Variants in DMD observed in about 807,000 individuals in gnomAD.
The protein encoded by DMD is mutant dystrophin.
A neutral mutation model predicts 330.1 loss-of-function variants in DMD; 63 were observed. That is an observed-to-expected ratio of 0.19 (90% confidence interval 0.16 to 0.24). DMD has a LOEUF of 0.24. DMD is among the 10% of genes least tolerant of loss of function. The probability of loss-of-function intolerance (pLI) is 1.00; values close to 1 mark genes in which losing one functional copy is unlikely to be tolerated. For synonymous variants in DMD, 1,223 were observed against 959.8 expected (o/e 1.27, Z -5.07); for missense variants, 3,344 against 2,684.1 (o/e 1.25, Z -5.43).
At chrX:33,142,619 G>A (rs1426230977) in intron 1 of DMD, among the ~76,000 whole-genome samples, 2 of 111,774 alleles carry the variant, frequency 1.8e-5, no homozygotes, top group African/African-American at 6.5e-5. Context: ...AGCCTCCCCC[G>A]AATAAATGAA....
intron 57 of DMD, among the ~76,000 whole-genome samples, chrX:31,485,684 C>T (rs1424201319): frequency 9.0e-6 from 1 of 111,708 alleles, no homozygotes; most frequent in African/African-American, 3.3e-5. Context: ...GAAAAGCTAT[C>T]TTGCTTTCTC....
At chrX:32,959,034 A>C (rs2091755073) in intron 2 of DMD, among the ~76,000 whole-genome samples, 1 of 111,930 alleles carries the variant, frequency 8.9e-6, no homozygotes, top group Admixed American at 9.5e-5. Flanking sequence ...CAATATTTAT[A>C]ATAAGTTATT....
At chrX:33,334,521 T>C (rs1035374084) in intron 1 of DMD, among the ~76,000 whole-genome samples, 1 of 111,460 alleles carries the variant, frequency 9.0e-6, no homozygotes, top group Non-Finnish European at 1.9e-5. Flanking sequence ...TGTTTTAGCA[T>C]GAAAGGAGTC....
intron 21 of DMD, among the ~76,000 whole-genome samples, chrX:32,484,091 T>G (rs762202850): frequency 9.0e-6 from 1 of 111,139 alleles, no homozygotes; most frequent in Non-Finnish European, 1.9e-5. Context: ...TTCAGAAAAA[T>G]ACTTTTATCT....
At chrX:32,741,556 T>A (rs1379402356) in intron 7 of DMD, among the ~76,000 whole-genome samples, 1 of 111,360 alleles carries the variant, frequency 9.0e-6, no homozygotes, top group Admixed American at 9.6e-5. Context: ...CAAACAGAAT[T>A]AATAGCTGCC....
At chrX:31,863,246 C>G (rs988763143) in intron 48 of DMD, among the ~76,000 whole-genome samples, 4 of 112,142 alleles carry the variant, frequency 3.6e-5, no homozygotes, top group African/African-American at 9.7e-5. Context: ...GGGAGGATGA[C>G]GCAGGAGAAT....
chrX:32,849,708 CT>C lies in DMD; in HGVS notation c.186+19del, dbSNP rs1159233381. On this transcript the variant is annotated intron_variant, in intron 3 of 78. Coordinates refer to ENST00000357033, the MANE Select transcript of DMD (RefSeq NM_004006.3). ...TTCTACTAAGTTTAAAGTTAACTTT[CT>C]TAAAAATAAGTCACATACCAGTTTT... 8.8e-7 allele frequency: 1 copy of C among 1,135,665 alleles called. No individual in the cohort carries two copies. Among genetic ancestry groups the C allele is most frequent in the Non-Finnish European group, 1.2e-6 (1 of 826,994 alleles). 93.6% of individuals were successfully genotyped at this position (1,135,665 alleles called of 1,213,427 possible). A position where few individuals can be genotyped will look rare whatever the true frequency, so the allele number is the denominator to read the frequency against.
intron 1 of DMD, among the ~76,000 whole-genome samples, chrX:33,296,355 T>C (rs1010808112): frequency 8.1e-5 from 9 of 111,261 alleles, no homozygotes; most frequent in African/African-American, 2.0e-4. Context: ...CTATAAATTA[T>C]AGCAGTTTCA....
chrX:33,289,853 A>G (rs767238511), intron 1 of DMD, among the ~76,000 whole-genome samples: 5 of 112,015 alleles, frequency 4.5e-5, no homozygotes, highest in Non-Finnish European at 5.6e-5. Context: ...AGAAAAAGAA[A>G]ACAGCTGATA....
At chrX:32,390,667 A>G (rs1333745978) in intron 30 of DMD, among the ~76,000 whole-genome samples, 1 of 110,903 alleles carries the variant, frequency 9.0e-6, no homozygotes, top group Non-Finnish European at 1.9e-5. Flanking sequence ...ATACTCCTTA[A>G]TTACCTTCTT....
intron 41 of DMD, 21 bp downstream of exon 41, chrX:32,342,079 G>T: frequency 8.4e-7 from 1 of 1,197,563 alleles, no homozygotes; most frequent in Non-Finnish European, 1.1e-6. Context: ...CACATACGTG[G>T]GTTTGCCAGT....
rs191824422 is a variant in DMD at position 32,651,766 on chromosome X, C to G, written c.961-6614G>C. Among the ~76,000 whole-genome samples the G allele has an allele frequency of 8.9e-5, 10 of 111,899 alleles. No individual in the cohort carries two copies. In the East Asian group the frequency reaches 2.8e-3, roughly 32 times the overall value. On this transcript the variant is annotated intron_variant, in intron 9 of 78. Coordinates refer to ENST00000357033, the MANE Select transcript of DMD (RefSeq NM_004006.3). ...TCATGTACCCCATAAATACATACAC[C>G]TACTACGTAGCCACAAAAATTTAAA...
intron 21 of DMD, among the ~76,000 whole-genome samples, chrX:32,474,634 A>G (rs2041035520): frequency 9.0e-6 from 1 of 111,597 alleles, no homozygotes; most frequent in African/African-American, 3.3e-5. Flanking sequence ...ATTTTTTCAT[A>G]AGTTTGTTGA....
chrX:31,349,683 G>A (rs2058284946), intron 60 of DMD, among the ~76,000 whole-genome samples: 1 of 111,160 alleles, frequency 9.0e-6, no homozygotes, highest in Non-Finnish European at 1.9e-5. Context: ...TAATTTTACG[G>A]GTGACATGCT....
chrX:32,803,141 C>A (rs2076703992), intron 7 of DMD, among the ~76,000 whole-genome samples: 1 of 111,520 alleles, frequency 9.0e-6, no homozygotes, highest in South Asian at 3.7e-4. Context: ...GCCTCAATTT[C>A]AGAACTTGTT....
chrX:31,833,113 T>C (rs1789561411), intron 49 of DMD, among the ~76,000 whole-genome samples: 1 of 111,370 alleles, frequency 9.0e-6, no homozygotes, highest in South Asian at 3.8e-4. Context: ...CTATTTCATC[T>C]ATGGCATTAA....
At chrX:33,104,303 A>C (rs1290519461) in intron 1 of DMD, among the ~76,000 whole-genome samples, 1 of 111,801 alleles carries the variant, frequency 8.9e-6, no homozygotes, top group Admixed American at 9.6e-5. Context: ...ATCATGTAGA[A>C]ACTGTCAGGC....
intron 2 of DMD, among the ~76,000 whole-genome samples, chrX:32,882,144 C>T (rs1458189164): frequency 2.7e-5 from 3 of 111,962 alleles, no homozygotes; most frequent in Non-Finnish European, 5.6e-5. Flanking sequence ...GTCCGGGCCT[C>T]AGTCCCATTG....
chrX:31,141,595 A>G (rs949515733), intron 76 of DMD, among the ~76,000 whole-genome samples: 1 of 111,714 alleles, frequency 9.0e-6, no homozygotes, highest in Non-Finnish European at 1.9e-5. Context: ...AGCAAAACAC[A>G]CTGACCTTGG....
Sources: gnomAD v4.1 joint callset for allele counts (sites outside exome capture counted in the v4.1 genomes callset) on GRCh38, gnomAD v4.1.1 for gene constraint, MANE v1.5 for transcripts, NCBI Gene and HGNC (gene_info 2026-07-23, HGNC 2026-07-21) for gene names.